Variants in THEMIS observed in about 807,000 individuals in gnomAD.
The protein encoded by THEMIS is thymocyte selection associated, also known as protein THEMIS.
THEMIS carries 37 observed loss-of-function variants against 52.6 expected under a neutral mutation model. The observed-to-expected ratio is 0.70, with a 90% CI of 0.54 to 0.93. The LOEUF (loss-of-function observed/expected upper bound fraction) is 0.93. THEMIS is among the 40% of genes least tolerant of loss of function. THEMIS has a pLI of 0.00. For synonymous variants in THEMIS, 292 were observed against 272.7 expected, an observed-to-expected ratio of 1.07 and a Z score of -0.70; for missense variants, 808 against 763.1, an observed-to-expected ratio of 1.06 and a Z score of -0.69.
chr6:127,901,096 C>T, upstream of THEMIS: 1 of 593,898 alleles, frequency 1.7e-6, no homozygotes, highest in Non-Finnish European at 3.0e-6. Flanking sequence ...GTGGGGAGGA[C>T]AATGAAGAGG....
rs2114296274 is a variant in THEMIS, at chr6:127,854,648, G to A, written c.250+382C>T. 1.3e-5 allele frequency among the ~76,000 whole-genome samples: 2 copies of A among 151,936 alleles called. 1 individual carries two copies. The highest frequency in any genetic ancestry group is 4.1e-4 in the South Asian group (2 of 4,826). On this transcript the variant is annotated intron_variant, in intron 2 of 5. Coordinates refer to ENST00000368248, the MANE Select transcript of THEMIS (RefSeq NM_001010923.3). Reference sequence around the variant, plus strand: ...CGGTGATCCAAGGAGCTAGAGTAATGACAGTAGGAATAGCAAAGAGGGTAG... The same window carrying A: ...CGGTGATCCAAGGAGCTAGAGTAATAACAGTAGGAATAGCAAAGAGGGTAG...
At chr6:127,784,978 TC>T (rs1403039178) in intron 4 of THEMIS, among the ~76,000 whole-genome samples, 18 of 130,394 alleles carry the variant, frequency 1.4e-4, no homozygotes, top group African/African-American at 4.2e-4. Context: ...TATCTATCTA[TC>T]TATCTATCTA....
intron 4 of THEMIS, among the ~76,000 whole-genome samples, chr6:127,806,258 T>C (rs1777705698): frequency 1.3e-5 from 2 of 152,182 alleles, no homozygotes; most frequent in African/African-American, 2.4e-5. Flanking sequence ...AGTCCAAATT[T>C]GCTCAAGCTT....
intron 4 of THEMIS, among the ~76,000 whole-genome samples, chr6:127,736,305 T>C (rs927198155): frequency 2.6e-5 from 4 of 152,188 alleles, no homozygotes; most frequent in African/African-American, 9.7e-5. Context: ...ATATGAAGTA[T>C]AGTTGTCTCT....
intron 1 of THEMIS, among the ~76,000 whole-genome samples, chr6:127,855,475 A>C (rs190237609): frequency 6.6e-6 from 1 of 151,936 alleles, no homozygotes; most frequent in Non-Finnish European, 1.5e-5. Context: ...GTCAAACTAC[A>C]AACGTATCTT....
At chr6:127,718,747 C>T (rs1365772444) in intron 5 of THEMIS, among the ~76,000 whole-genome samples, 1 of 151,438 alleles carries the variant, frequency 6.6e-6, no homozygotes, top group Admixed American at 6.6e-5. Flanking sequence ...TTTTCAAAGC[C>T]CTTTACAGAA....
At chr6:127,750,235 G>A (rs1325418025) in intron 4 of THEMIS, among the ~76,000 whole-genome samples, 3 of 151,318 alleles carry the variant, frequency 2.0e-5, no homozygotes, top group African/African-American at 7.3e-5. Flanking sequence ...GGCCACCTGT[G>A]GCTGAGAAAA....
At chr6:127,712,488 A>G (rs1774017439) in intron 5 of THEMIS, among the ~76,000 whole-genome samples, 2 of 151,916 alleles carry the variant, frequency 1.3e-5, no homozygotes, top group African/African-American at 4.8e-5. Context: ...TCTAAAATCC[A>G]AATTGATTTA....
intron 2 of THEMIS, among the ~76,000 whole-genome samples, chr6:127,854,653 T>C (rs376860884): frequency 3.3e-5 from 5 of 151,864 alleles, no homozygotes; most frequent in Admixed American, 2.0e-4. Flanking sequence ...GTAATGACAG[T>C]AGGAATAGCA....
chr6:127,701,310 A>G, the THEMIS span, among the ~76,000 whole-genome samples: 1 of 152,078 alleles, frequency 6.6e-6, no homozygotes, highest in Non-Finnish European at 1.5e-5. Flanking sequence ...ACTATTCTGT[A>G]TCTAATTTTT....
At chr6:127,788,303 T>G (rs771050537) in intron 4 of THEMIS, among the ~76,000 whole-genome samples, 1 of 152,196 alleles carries the variant, frequency 6.6e-6, no homozygotes, top group Non-Finnish European at 1.5e-5. Flanking sequence ...TCTGAAAATA[T>G]TTCATGGAGA....
chr6:127,745,906 T>A (rs150582039), intron 4 of THEMIS, among the ~76,000 whole-genome samples: 5 of 151,948 alleles, frequency 3.3e-5, no homozygotes, highest in African/African-American at 1.2e-4. Context: ...ACACATTATG[T>A]TTACTTAAAG....
chr6:127,781,549 G>A (rs1400781791), intron 4 of THEMIS, among the ~76,000 whole-genome samples: 3 of 152,068 alleles, frequency 2.0e-5, no homozygotes, highest in African/African-American at 4.8e-5. Flanking sequence ...TGTCTTTGAT[G>A]TTGGTGACCT....
At chr6:127,918,199 G>T (rs769041205) in intron 1 of THEMIS, among the ~76,000 whole-genome samples, 1 of 151,994 alleles carries the variant, frequency 6.6e-6, no homozygotes, top group Non-Finnish European at 1.5e-5. Flanking sequence ...AACAAACCCA[G>T]GCATAATGCG....
At chr6:127,872,797 G>A (rs1427860505) in intron 1 of THEMIS, among the ~76,000 whole-genome samples, 3 of 151,790 alleles carry the variant, frequency 2.0e-5, no homozygotes, top group Non-Finnish European at 4.4e-5. Context: ...GTGCAATAAA[G>A]CAAGAAAATA....
intron 1 of THEMIS, among the ~76,000 whole-genome samples, chr6:127,871,316 T>TATATACAC (rs1479087265): frequency 2.6e-5 from 4 of 151,992 alleles, no homozygotes; most frequent in Non-Finnish European, 5.9e-5. Context: ...TACATATATT[T>TATATACAC]ATATACACAC....
chr6:127,783,011 G>T (rs1776801355), intron 4 of THEMIS, among the ~76,000 whole-genome samples: 1 of 152,060 alleles, frequency 6.6e-6, no homozygotes, highest in Non-Finnish European at 1.5e-5. Context: ...ATAGTAACCA[G>T]AACAGCATGG....
At chr6:127,706,516 T>G (rs1176703935), downstream of THEMIS, among the ~76,000 whole-genome samples, 3 of 152,132 alleles carry the variant, frequency 2.0e-5, no homozygotes, top group East Asian at 5.8e-4. Flanking sequence ...GCCAGATATA[T>G]GCCAGACACT....
chr6:127,825,672 C>G (rs1778483326), intron 3 of THEMIS, among the ~76,000 whole-genome samples: 1 of 152,008 alleles, frequency 6.6e-6, no homozygotes, highest in African/African-American at 2.4e-5. Context: ...CAGGGCAGCA[C>G]CTATGCAGTT....
Sources: allele counts gnomAD v4.1 joint callset (sites outside exome capture counted in the v4.1 genomes callset), GRCh38; gene constraint gnomAD v4.1.1; transcripts MANE v1.5; gene names NCBI Gene and HGNC (gene_info 2026-07-23, HGNC 2026-07-21).